COL4A3: variants seen among roughly 807,000 people sequenced by gnomAD.
COL4A3 encodes the protein collagen alpha-3(IV) chain.
COL4A3 carries 135 observed loss-of-function variants against 217.4 expected under a neutral mutation model. The observed-to-expected ratio is 0.62, with a 90% CI of 0.54 to 0.72. The LOEUF is 0.72. Ranked by LOEUF, COL4A3 falls within the 30% of genes least tolerant of loss-of-function variation. The probability of loss-of-function intolerance (pLI) is 0.00; values close to 1 mark genes in which losing one functional copy is unlikely to be tolerated. For missense variants in COL4A3, 1,868 were observed against 2,119.9 expected (o/e 0.88, Z 2.33); for synonymous variants, 690 against 736.3 (o/e 0.94, Z 1.02).
At chr2:227,257,729 T>C (rs771465335) in intron 18 of COL4A3, 85 bp downstream of exon 18, 5 of 1,174,338 alleles carry the variant, frequency 4.3e-6, no homozygotes, top group Non-Finnish European at 6.4e-6. Context: ...GTGTCTCTCA[T>C]TAACTGTGTG....
chr2:227,177,692 A>G (rs1207218312), intron 1 of COL4A3, among the ~76,000 whole-genome samples: 1 of 152,176 alleles, frequency 6.6e-6, no homozygotes, highest in African/African-American at 2.4e-5. Flanking sequence ...CATAAGTTTT[A>G]AATTGTGCAC....
At chr2:227,240,337 T>C in intron 3 of COL4A3, 105 bp downstream of exon 3, 2 of 1,078,082 alleles carry the variant, frequency 1.9e-6, no homozygotes, top group Admixed American at 4.0e-5. Flanking sequence ...CTTAGCCAAC[T>C]GCTAGGTGCA....
intron 19 of COL4A3, 93 bp downstream of exon 19, chr2:227,259,970 G>C (rs978897658): frequency 1.1e-5 from 10 of 896,886 alleles, no homozygotes; most frequent in Non-Finnish European, 1.5e-5. Context: ...AATTGACATG[G>C]GTGAGGAAAG....
intron 1 of COL4A3, among the ~76,000 whole-genome samples, chr2:227,236,303 C>T (rs751533318): frequency 2.0e-5 from 3 of 152,222 alleles, no homozygotes; most frequent in Non-Finnish European, 2.9e-5. Flanking sequence ...TGTATATGAA[C>T]ATGATGAGTG....
chr2:227,297,300 T>A (rs2073070297), intron 41 of COL4A3, among the ~76,000 whole-genome samples: 1 of 152,252 alleles, frequency 6.6e-6, no homozygotes, highest in Non-Finnish European at 1.5e-5. Context: ...AACTGGCTTA[T>A]ATTTATATAA....
chr2:227,313,109 C>G lies in COL4A3; in HGVS notation c.*1239C>G, dbSNP rs10188531. 0.93 allele frequency: 141,925 copies of G among 152,672 alleles called. 66,014 individuals carry two copies. The highest frequency in any genetic ancestry group is 0.97 in the African/African-American group (40,200 of 41,554). 9.5% of individuals were successfully genotyped at this position (152,672 alleles called of 1,614,324 possible). On this transcript the variant is annotated 3_prime_UTR_variant, in exon 52 of 52. Transcript: ENST00000396578. ...TTACTTAATTCAACTTAACTATCATCTTATTCAGCACCAAGCATGTCCCAG... is the reference window on the plus strand; with the variant it reads ...TTACTTAATTCAACTTAACTATCATGTTATTCAGCACCAAGCATGTCCCAG...
intron 37 of COL4A3, 37 bp from the exon 38 acceptor site, chr2:227,293,154 T>C (rs1486804961): frequency 1.2e-5 from 20 of 1,612,824 alleles, no homozygotes; most frequent in Non-Finnish European, 1.7e-5. Context: ...ATATCCTGCT[T>C]ATATGAGAAT....
chr2:227,243,173 G>A (rs986706750), intron 3 of COL4A3, among the ~76,000 whole-genome samples: 4 of 152,086 alleles, frequency 2.6e-5, no homozygotes, highest in Non-Finnish European at 5.9e-5. Flanking sequence ...CAAACACATG[G>A]CACTTAGTAT....
In COL4A3 at chr2:227,282,464, A is replaced by C; in HGVS notation, c.2588A>C (p.His863Pro). The change falls in exon 32 of 52, where the codon CAT becomes CCT. Residue 863 changes from histidine (H) to proline (P), a missense_variant. Physicochemically the swap from His to Pro is moderately conservative, Grantham distance 77. Around this residue, in one of 2 missense-constraint regions of COL4A3, gnomAD observed 1,503 missense variants for 1,786.1 expected, o/e 0.84. Transcript: ENST00000396578. The surrounding 1 kb of genome is among the most constrained non-coding windows in gnomAD (Gnocchi z 4.4). Reference sequence around the variant, plus strand: ...ACTGGATCACCAGGAATTCCAGGTCATCAAGGTGAAATGGGACCACTGGGT... The same window carrying C: ...ACTGGATCACCAGGAATTCCAGGTCCTCAAGGTGAAATGGGACCACTGGGT... ...GETGSPGIPG[H>P]QGEMGPLGQR... The C allele has an allele frequency of 6.2e-7, 1 of 1,613,990 alleles. No homozygotes were observed. The highest frequency in any genetic ancestry group is 1.1e-5 in the South Asian group (1 of 91,076).
chr2:227,169,159 C>T (rs1014765048), intron 1 of COL4A3: 15 of 149,912 alleles, frequency 1.0e-4, no homozygotes, highest in East Asian at 2.0e-4. Flanking sequence ...TTTGTTCTTG[C>T]GATAGTTTAC....
intron 44 of COL4A3, among the ~76,000 whole-genome samples, chr2:227,303,608 A>G (rs1247439812): frequency 6.6e-6 from 1 of 152,220 alleles, no homozygotes; most frequent in Non-Finnish European, 1.5e-5. Context: ...TTCAATGTTA[A>G]AATACAAGTT....
At chr2:227,181,930 A>T (rs1257970443) in intron 1 of COL4A3, among the ~76,000 whole-genome samples, 1 of 152,236 alleles carries the variant, frequency 6.6e-6, no homozygotes, top group Non-Finnish European at 1.5e-5. Flanking sequence ...GAGCAAAAAC[A>T]TAAATAAAAT....
intron 1 of COL4A3, among the ~76,000 whole-genome samples, chr2:227,236,930 G>A (rs1031424700): frequency 2.6e-5 from 4 of 152,138 alleles, no homozygotes; most frequent in Non-Finnish European, 4.4e-5. Context: ...CAAAGTGCTG[G>A]GATGACAGGC....
chr2:227,262,796 G>T (rs1450664113), intron 20 of COL4A3, among the ~76,000 whole-genome samples: 1 of 152,120 alleles, frequency 6.6e-6, no homozygotes, highest in Admixed American at 6.5e-5. Context: ...TTTTGATGGA[G>T]TTAGGGGTGA....
Position 227,311,858 on chromosome 2 carries a change from GAAAAGACACTGAAGCTAA to G in COL4A3, c.5010_*14del, listed in dbSNP as rs765655100. ...TAAGTCGCTGTCAGGTGTGCATGAA[GAAAAGACACTGAAGCTAA>G]AAAAGACAGCAGAACTGCTATTTTT... On this transcript the variant is annotated stop_lost and 3_prime_UTR_variant, in exon 52 of 52. Coordinates refer to ENST00000396578, the MANE Select transcript of COL4A3 (RefSeq NM_000091.5). 3.5e-5 allele frequency: 57 copies of G among 1,613,780 alleles called. No individual in the cohort carries two copies. The highest frequency in any genetic ancestry group is 1.6e-4 in the Middle Eastern group (1 of 6,074).
intron 1 of COL4A3, chr2:227,221,034 A>G (rs1247576950): frequency 2.6e-5 from 4 of 152,254 alleles, no homozygotes; most frequent in African/African-American, 7.2e-5. Context: ...CTTTTGTCCA[A>G]TGAGTTGCAG....
chr2:227,252,459 G>A (rs1485038219), intron 11 of COL4A3, among the ~76,000 whole-genome samples: 1 of 151,490 alleles, frequency 6.6e-6, no homozygotes, highest in Non-Finnish European at 1.5e-5. Context: ...CAGGTGATCC[G>A]CCCGCCTCAG....
intron 41 of COL4A3, 26 bp downstream of exon 41, chr2:227,295,342 A>G (rs756012677): frequency 6.2e-7 from 1 of 1,608,606 alleles, no homozygotes; most frequent in Non-Finnish European, 8.5e-7. Context: ...TCCCTGTCCT[A>G]ATGTACACAT....
chr2:227,278,271 G>A (rs1027361158), intron 28 of COL4A3, among the ~76,000 whole-genome samples: 2 of 152,018 alleles, frequency 1.3e-5, no homozygotes, highest in Non-Finnish European at 2.9e-5. Flanking sequence ...AAATCTAGAC[G>A]CTGAGAGCTC....
Sources: gnomAD v4.1 joint callset for allele counts (sites outside exome capture counted in the v4.1 genomes callset) on GRCh38, gnomAD v4.1.1 for gene constraint, gnomAD v4.1.1 regional missense constraint, Gnocchi (gnomAD v3.1) non-coding constraint, MANE v1.5 for transcripts, NCBI Gene and HGNC (gene_info 2026-07-23, HGNC 2026-07-21) for gene names.